ZPBP: variants seen among roughly 807,000 people sequenced by gnomAD.
ZPBP encodes zona pellucida binding protein.
ZPBP carries 26 observed loss-of-function variants against 44.8 expected under a neutral mutation model. The ratio of observed to expected loss-of-function variants is 0.58; its 90% CI spans 0.43 to 0.81. ZPBP has a LOEUF of 0.81. ZPBP is among the 30% of genes least tolerant of loss of function. ZPBP has a pLI of 0.00. For synonymous variants in ZPBP, 174 were observed against 153.2 expected, an observed-to-expected ratio of 1.14 and a Z score of -1.00; for missense variants, 409 against 434.0, an observed-to-expected ratio of 0.94 and a Z score of 0.51.
chr7:49,870,161 G>A (rs531265099), intron 2 of ZPBP, among the ~76,000 whole-genome samples: 1 of 152,304 alleles, frequency 6.6e-6, no homozygotes, highest in East Asian at 1.9e-4. Flanking sequence ...AGCACTTTGG[G>A]AGACCGAGGT....
downstream of ZPBP, among the ~76,000 whole-genome samples, chr7:49,847,112 G>A (rs555407544): frequency 7.9e-5 from 12 of 151,914 alleles, no homozygotes; most frequent in South Asian, 2.5e-3. Flanking sequence ...CTGTAGAGAG[G>A]GACTTGTGAC....
intron 2 of ZPBP, among the ~76,000 whole-genome samples, chr7:49,889,758 GATTAACATATTTTGAATATATTCT>G (rs1298432748): frequency 6.6e-6 from 1 of 152,056 alleles, no homozygotes; most frequent in Non-Finnish European, 1.5e-5. Context: ...CAACAAACCT[GATTAACATATTTTGAATATATTCT>G]ATTTGAATTC....
downstream of ZPBP, among the ~76,000 whole-genome samples, chr7:49,849,251 A>G (rs1790080106): frequency 6.6e-6 from 1 of 152,232 alleles, no homozygotes; most frequent in Admixed American, 6.5e-5. Context: ...TTTGTCTTTT[A>G]TGAATGAATT....
intron 6 of ZPBP, among the ~76,000 whole-genome samples, chr7:50,013,214 A>T (rs1460322913): frequency 6.6e-6 from 1 of 151,916 alleles, no homozygotes. Context: ...AGTTATTTAA[A>T]TTATTTTACA....
Position 50,018,312 on chromosome 7 carries a change from T to A in ZPBP, c.711A>T (p.Ser237=). 1 of 1,601,586 alleles carries A rather than the reference T, an allele frequency of 6.2e-7. No individual in the cohort carries two copies. Among genetic ancestry groups the A allele is most frequent in the Non-Finnish European group, 8.5e-7 (1 of 1,171,358 alleles). Residue 237 remains serine, a synonymous_variant, in exon 6 of 8, where the codon TCA becomes TCT. Transcript: ENST00000046087. The part of the protein sequence containing the change: ...QNELFFAFSV[S]SLDTEKGPKR... ...TGGGTCCTTTTTCAGTGTCTAGAGA[T>A]GAAACTGAGAAAATATATTATATTT... is the stretch of plus-strand genomic sequence containing the variant.
At chr7:49,951,444 C>A (rs1795339223) in intron 7 of ZPBP, among the ~76,000 whole-genome samples, 1 of 150,372 alleles carries the variant, frequency 6.7e-6, no homozygotes, top group Non-Finnish European at 1.5e-5. Flanking sequence ...GGCCACCAAG[C>A]AAACAGGAAA....
At chr7:49,993,974 C>T (rs1797688757) in intron 6 of ZPBP, among the ~76,000 whole-genome samples, 1 of 152,196 alleles carries the variant, frequency 6.6e-6, no homozygotes, top group African/African-American at 2.4e-5. Context: ...ATGAGACACA[C>T]ATATCTTCAC....
At chr7:49,993,991 C>T (rs906625086) in intron 6 of ZPBP, among the ~76,000 whole-genome samples, 3 of 152,198 alleles carry the variant, frequency 2.0e-5, no homozygotes, top group East Asian at 3.9e-4. Flanking sequence ...TCACTTTCTG[C>T]CCATTCAGAG....
intron 7 of ZPBP, among the ~76,000 whole-genome samples, chr7:49,939,105 A>G (rs1382184223): frequency 6.6e-6 from 1 of 152,214 alleles, no homozygotes; most frequent in Non-Finnish European, 1.5e-5. Flanking sequence ...TAAGCTTCCA[A>G]TGATGTTTCT....
intron 1 of ZPBP, chr7:49,920,576 CAG>C (rs1392850078): frequency 6.6e-6 from 1 of 152,190 alleles, no homozygotes; most frequent in Non-Finnish European, 1.5e-5. Flanking sequence ...TGTAAGGGAA[CAG>C]AGAGAGACTC....
At chr7:49,981,226 T>C (rs1462760995) in intron 7 of ZPBP, among the ~76,000 whole-genome samples, 1 of 110,806 alleles carries the variant, frequency 9.0e-6, no homozygotes, top group Non-Finnish European at 1.8e-5. Flanking sequence ...TATATTTATA[T>C]ACAAATTGTA....
chr7:50,064,767 T>G (rs908403423), intron 3 of ZPBP, among the ~76,000 whole-genome samples: 4 of 152,208 alleles, frequency 2.6e-5, no homozygotes, highest in Non-Finnish European at 5.9e-5. Flanking sequence ...CCACATTTCA[T>G]ATTGCTCAAA....
At chr7:49,925,860 C>T (rs931437151) in intron 1 of ZPBP, among the ~76,000 whole-genome samples, 1 of 152,206 alleles carries the variant, frequency 6.6e-6, no homozygotes, top group Admixed American at 6.5e-5. Flanking sequence ...TGGCTTCACC[C>T]ACTGACAGAA....
intron 7 of ZPBP, chr7:49,940,665 A>G (rs1414553175): frequency 1.4e-6 from 1 of 694,632 alleles, no homozygotes; most frequent in Non-Finnish European, 1.8e-6. Flanking sequence ...AAAAAAAAAA[A>G]AGCTGTGTTT....
At chr7:49,878,280 A>G (rs1243636255) in intron 2 of ZPBP, among the ~76,000 whole-genome samples, 1 of 152,170 alleles carries the variant, frequency 6.6e-6, no homozygotes, top group African/African-American at 2.4e-5. Flanking sequence ...TGCAGACAGC[A>G]GTCACTGAGA....
intron 1 of ZPBP, among the ~76,000 whole-genome samples, chr7:49,910,097 G>A (rs895615941): frequency 3.9e-5 from 6 of 152,038 alleles, no homozygotes; most frequent in Non-Finnish European, 8.8e-5. Context: ...GGGTGACAGA[G>A]CAATACCCTG....
chr7:49,961,941 ATG>A (rs1795877248), intron 7 of ZPBP, among the ~76,000 whole-genome samples: 1 of 152,040 alleles, frequency 6.6e-6, no homozygotes, highest in East Asian at 1.9e-4. Context: ...CTGTTATTTT[ATG>A]TGTTTGAAAC....
At chr7:49,903,043 T>C (rs1305599777) in intron 1 of ZPBP, among the ~76,000 whole-genome samples, 2 of 152,076 alleles carry the variant, frequency 1.3e-5, no homozygotes, top group African/African-American at 2.4e-5. Context: ...ACTAGGGAAA[T>C]ACAAATTAAA....
At chr7:49,907,317 T>C (rs1793156972) in intron 1 of ZPBP, among the ~76,000 whole-genome samples, 1 of 152,178 alleles carries the variant, frequency 6.6e-6, no homozygotes, top group African/African-American at 2.4e-5. Context: ...GACCTGACTC[T>C]ATATGCCAGT....
Sources: allele counts gnomAD v4.1 joint callset (sites outside exome capture counted in the v4.1 genomes callset), GRCh38; gene constraint gnomAD v4.1.1; transcripts MANE v1.5; gene names NCBI Gene and HGNC (gene_info 2026-07-23, HGNC 2026-07-21).